Variants in CCDC102B observed in about 807,000 individuals in gnomAD.
CCDC102B encodes coiled-coil domain containing 102B.
Under a neutral mutation model 57.4 loss-of-function variants are expected in CCDC102B, and 75 were observed. That is an observed-to-expected ratio of 1.31 (90% CI 1.08 to 1.58). CCDC102B has a LOEUF of 1.58. CCDC102B is among the 40% of genes most tolerant of loss of function. The probability of loss-of-function intolerance (pLI) is 0.00; values close to 1 mark genes in which losing one functional copy is unlikely to be tolerated. For synonymous variants in CCDC102B, 206 were observed against 201.9 expected, an observed-to-expected ratio of 1.02 and a Z score of -0.17; for missense variants, 636 against 582.6, an observed-to-expected ratio of 1.09 and a Z score of -0.94.
At chr18:68,846,062 C>A (rs2086055596) in intron 3 of CCDC102B, among the ~76,000 whole-genome samples, 1 of 151,628 alleles carries the variant, frequency 6.6e-6, no homozygotes. Flanking sequence ...AGAAAGCAAG[C>A]AGAATGTCAA....
intron 6 of CCDC102B, among the ~76,000 whole-genome samples, chr18:68,899,059 T>C (rs896943568): frequency 1.3e-5 from 2 of 152,056 alleles, no homozygotes; most frequent in South Asian, 4.1e-4. Flanking sequence ...TCAGTGGGTA[T>C]GCTGATCACT....
At chr18:68,809,334 T>C (rs1403986617) in intron 1 of CCDC102B, among the ~76,000 whole-genome samples, 1 of 152,164 alleles carries the variant, frequency 6.6e-6, no homozygotes, top group Non-Finnish European at 1.5e-5. Context: ...CATATAAATA[T>C]TTATATTTGA....
chr18:68,761,191 C>A (rs1416994403), intron 2 of CCDC102B, among the ~76,000 whole-genome samples: 1 of 152,086 alleles, frequency 6.6e-6, no homozygotes, highest in East Asian at 1.9e-4. Flanking sequence ...ATTTCCCTCT[C>A]AAACAAATTT....
chr18:68,838,706 G>A lies in CCDC102B; in HGVS notation c.607G>A (p.Glu203Lys), dbSNP rs772793695. 2 of 1,613,024 alleles carry A rather than the reference G, an allele frequency of 1.2e-6. No individual in the cohort carries two copies. The highest frequency in any genetic ancestry group is 1.1e-5 in the South Asian group (1 of 90,914). ...ATGTTTTGTTTTGTTTTGTCTTCAG[G>A]AACAAGGTGTGGTTATTGATTCTCT... ...FSTKEDTNNK[E>K]QGVVIDSLKL... The change falls in exon 3 of 8, where the codon GAA (glutamate) becomes AAA (lysine). Residue 203 changes from glutamate (E) to lysine (K), a missense_variant and splice_region_variant. Coordinates refer to ENST00000360242, the MANE Select transcript of CCDC102B (RefSeq NM_024781.3).
At chr18:68,769,458 A>G (rs2034569532) in intron 2 of CCDC102B, among the ~76,000 whole-genome samples, 1 of 152,072 alleles carries the variant, frequency 6.6e-6, no homozygotes, top group South Asian at 2.1e-4. Flanking sequence ...TTTAAAGGGT[A>G]CACAATTAGG....
At chr18:68,821,824 A>G (rs748054835) in intron 1 of CCDC102B, among the ~76,000 whole-genome samples, 1 of 152,096 alleles carries the variant, frequency 6.6e-6, no homozygotes, top group Non-Finnish European at 1.5e-5. Context: ...AGTAAACTAT[A>G]TATACACCAT....
At chr18:69,055,722 TG>T (rs1267173309), downstream of CCDC102B, among the ~76,000 whole-genome samples, 1 of 152,012 alleles carries the variant, frequency 6.6e-6, no homozygotes, top group African/African-American at 2.4e-5. Flanking sequence ...TAAACGCAAG[TG>T]GAAAACAAAT....
At chr18:69,056,385 G>T (rs2052815094), downstream of CCDC102B, among the ~76,000 whole-genome samples, 1 of 152,014 alleles carries the variant, frequency 6.6e-6, no homozygotes, top group Non-Finnish European at 1.5e-5. Flanking sequence ...GGTCAAAATG[G>T]TGGTTCTTTT....
At chr18:68,854,045 TCAAA>T (rs554945449) in intron 4 of CCDC102B, among the ~76,000 whole-genome samples, 260 of 152,178 alleles carry the variant, frequency 1.7e-3, no homozygotes, top group African/African-American at 6.1e-3. Flanking sequence ...GAAAATAAAA[TCAAA>T]CAAATATCAG....
rs533398189 is a variant in CCDC102B at position 68,915,593 on chromosome 18, A to G, written c.1263+18165A>G. Among the ~76,000 whole-genome samples the G allele has an allele frequency of 4.2e-4, 64 of 152,264 alleles. 1 individual carries two copies. In the South Asian group the frequency reaches 9.1e-3, roughly 22 times the overall value. ...CAGATTTGTCCTTTATTAAATAATTATTTTAGTTGTAATGTTTTCTACTCT... is the reference window on the plus strand; with the variant it reads ...CAGATTTGTCCTTTATTAAATAATTGTTTTAGTTGTAATGTTTTCTACTCT... On this transcript the variant is annotated intron_variant, in intron 6 of 7. Transcript: ENST00000360242.
At chr18:68,865,219 C>A (rs536719412) in intron 4 of CCDC102B, among the ~76,000 whole-genome samples, 118 of 152,164 alleles carry the variant, frequency 7.8e-4, no homozygotes, top group Non-Finnish European at 1.4e-3. Context: ...ATGACTATTG[C>A]CAACTTCAGG....
At chr18:68,948,549 A>T (rs1418406808) in intron 6 of CCDC102B, among the ~76,000 whole-genome samples, 1 of 152,116 alleles carries the variant, frequency 6.6e-6, no homozygotes, top group Non-Finnish European at 1.5e-5. Context: ...ATGATCACCA[A>T]ATCACTAAAA....
intron 4 of CCDC102B, among the ~76,000 whole-genome samples, chr18:68,849,290 T>C (rs2038016809): frequency 6.6e-6 from 1 of 152,142 alleles, no homozygotes; most frequent in Non-Finnish European, 1.5e-5. Flanking sequence ...AAGATAGTTA[T>C]TAGAAATAGG....
At chr18:68,889,588 TTTTGTTTG>T (rs374805210) in intron 5 of CCDC102B, among the ~76,000 whole-genome samples, 19 of 151,868 alleles carry the variant, frequency 1.3e-4, no homozygotes, top group Non-Finnish European at 2.5e-4. Flanking sequence ...CCCGGCTAAT[TTTTGTTTG>T]TTTGTTTGTT....
At chr18:68,790,194 T>C (rs2035386510) in intron 2 of CCDC102B, among the ~76,000 whole-genome samples, 1 of 151,352 alleles carries the variant, frequency 6.6e-6, no homozygotes, top group Non-Finnish European at 1.5e-5. Context: ...CATTCTCAGA[T>C]CTCCAGCTGT....
intron 5 of CCDC102B, among the ~76,000 whole-genome samples, chr18:68,894,767 T>C (rs2040187716): frequency 6.6e-6 from 1 of 151,790 alleles, no homozygotes; most frequent in Non-Finnish European, 1.5e-5. Context: ...AATCTGCCAA[T>C]AGTAAAACAT....
At chr18:68,817,961 A>T (rs7232145) in intron 1 of CCDC102B, among the ~76,000 whole-genome samples, 2 of 151,948 alleles carry the variant, frequency 1.3e-5, no homozygotes, top group Non-Finnish European at 1.5e-5. Context: ...TATATTCCTT[A>T]TAGTAAAGAT....
At chr18:68,806,680 A>G (rs1036101884) in intron 1 of CCDC102B, among the ~76,000 whole-genome samples, 1 of 152,174 alleles carries the variant, frequency 6.6e-6, no homozygotes, top group African/African-American at 2.4e-5. Flanking sequence ...TAGAAATATA[A>G]TTCAAGCAAC....
chr18:68,815,677 TACACACAC>T (rs10592850), intron 1 of CCDC102B, among the ~76,000 whole-genome samples: 4 of 149,174 alleles, frequency 2.7e-5, no homozygotes, highest in Admixed American at 1.3e-4. Flanking sequence ...TCCATTTACA[TACACACAC>T]ACACACACAC....
Sources: gnomAD v4.1 joint callset for allele counts (sites outside exome capture counted in the v4.1 genomes callset) on GRCh38, gnomAD v4.1.1 for gene constraint, MANE v1.5 for transcripts, NCBI Gene and HGNC (gene_info 2026-07-23, HGNC 2026-07-21) for gene names.